MAD1L1: variants seen among roughly 807,000 people sequenced by gnomAD.
The protein encoded by MAD1L1 is mitotic arrest deficient 1 like 1, also known as mitotic spindle assembly checkpoint protein MAD1.
MAD1L1 carries 95 observed loss-of-function variants against 96.9 expected under a neutral mutation model. That is an observed-to-expected ratio of 0.98 (90% CI 0.83 to 1.16). The LOEUF (loss-of-function observed/expected upper bound fraction) is 1.16. Among genes scored for constraint, MAD1L1 ranks in the 50% most tolerant of loss-of-function variants. The probability of loss-of-function intolerance (pLI) is 0.00; values close to 1 mark genes in which losing one functional copy is unlikely to be tolerated. For missense variants in MAD1L1, 1,007 were observed against 954.4 expected (o/e 1.06, Z -0.73); for synonymous variants, 473 against 396.6 (o/e 1.19, Z -2.29).
chr7:2,092,795 GCAAATTTAT>G (rs1266095603), intron 11 of MAD1L1, among the ~76,000 whole-genome samples: 3 of 152,110 alleles, frequency 2.0e-5, no homozygotes, highest in African/African-American at 7.2e-5. Flanking sequence ...CTTTAACAAG[GCAAATTTAT>G]CAAATTTTTT....
chr7:2,108,424 T>A (rs3800906), intron 11 of MAD1L1, among the ~76,000 whole-genome samples: 6,462 of 152,340 alleles, frequency 0.042, 208 homozygotes, highest in East Asian at 0.09. Flanking sequence ...AGTTTAAAAC[T>A]TTATTTAAAA....
At chr7:2,074,427 C>T (rs1057146457) in intron 11 of MAD1L1, among the ~76,000 whole-genome samples, 1 of 152,210 alleles carries the variant, frequency 6.6e-6, no homozygotes. Context: ...AGATGGGCCC[C>T]ATGGAACAGG....
chr7:2,123,366 C>T (rs1249033939), intron 11 of MAD1L1, among the ~76,000 whole-genome samples: 1 of 151,378 alleles, frequency 6.6e-6, no homozygotes, highest in Non-Finnish European at 1.5e-5. Flanking sequence ...TGAAACTGCA[C>T]GCTACAGCTT....
intron 12 of MAD1L1, among the ~76,000 whole-genome samples, chr7:2,034,436 G>C (rs536711214): frequency 1.3e-5 from 2 of 152,050 alleles, no homozygotes; most frequent in African/African-American, 4.8e-5. Context: ...AGGCTGGTCC[G>C]AACTCCTGAG....
At chr7:2,019,903 G>GTT (rs889451091) in intron 12 of MAD1L1, among the ~76,000 whole-genome samples, 1 of 149,482 alleles carries the variant, frequency 6.7e-6, no homozygotes, top group Non-Finnish European at 1.5e-5. Flanking sequence ...CCTAAACGAG[G>GTT]TTTTTTTTTT....
intron 14 of MAD1L1, among the ~76,000 whole-genome samples, chr7:2,000,565 G>C (rs938852947): frequency 6.6e-6 from 1 of 152,148 alleles, no homozygotes; most frequent in Non-Finnish European, 1.5e-5. Flanking sequence ...GGGTCCCCCA[G>C]GCTTGGCTCA....
At chr7:2,220,818 G>C in intron 5 of MAD1L1, 1 of 1,440,538 alleles carries the variant, frequency 6.9e-7, no homozygotes, top group Non-Finnish European at 9.4e-7. Flanking sequence ...AAGAAGAAAG[G>C]TATTAAAAAC....
chr7:2,004,853 A>C (rs1231501242), intron 13 of MAD1L1, among the ~76,000 whole-genome samples: 1 of 152,234 alleles, frequency 6.6e-6, no homozygotes, highest in Admixed American at 6.5e-5. Context: ...CGATGGCTGG[A>C]AAAAACAGAA....
rs150926586 is a variant in MAD1L1 at position 2,067,671 on chromosome 7, G to A, written c.1218+1523C>T. 1.5e-3 allele frequency among the ~76,000 whole-genome samples: 233 copies of A among 152,366 alleles called. 1 individual carries two copies. Among genetic ancestry groups the A allele is most frequent in the African/African-American group, 5.2e-3 (217 of 41,588 alleles). ...GTGCTGTGGCCTGTGGGCCCAAGCC[G>A]CTGTCTCCTCCCGCTCCAGGCCTCG... is the stretch of plus-strand genomic sequence containing the variant. On this transcript the variant is annotated intron_variant, in intron 12 of 18. Transcript: ENST00000265854.
At chr7:1,964,424 G>A (rs1780076298) in intron 15 of MAD1L1, among the ~76,000 whole-genome samples, 1 of 152,206 alleles carries the variant, frequency 6.6e-6, no homozygotes, top group African/African-American at 2.4e-5. Context: ...GCCCACATGC[G>A]GGCTCATTTG....
chr7:1,865,133 C>T lies in MAD1L1; in HGVS notation c.1998+33067G>A, dbSNP rs556046366. Among the ~76,000 whole-genome samples, 5 of 152,288 alleles carry T rather than the reference C, an allele frequency of 3.3e-5. No homozygotes were observed. In the South Asian group the frequency reaches 1.0e-3, roughly 32 times the overall value. On this transcript the variant is annotated intron_variant, in intron 18 of 18. Coordinates refer to ENST00000265854, the MANE Select transcript of MAD1L1 (RefSeq NM_001013836.2). ...GTCCAGAGCAGGTGACCAGGCCCATCCTGTCTGGGACTCCCGGAAGGGGGC... is the reference window on the plus strand; with the variant it reads ...GTCCAGAGCAGGTGACCAGGCCCATTCTGTCTGGGACTCCCGGAAGGGGGC...
chr7:1,861,435 C>T (rs916462053), intron 18 of MAD1L1, among the ~76,000 whole-genome samples: 38 of 150,226 alleles, frequency 2.5e-4, no homozygotes, highest in African/African-American at 5.1e-4. Context: ...GACACTGCTC[C>T]GCCTGCCCCC....
chr7:2,206,978 G>T (rs1475006614), intron 10 of MAD1L1, among the ~76,000 whole-genome samples: 2 of 151,934 alleles, frequency 1.3e-5, no homozygotes, highest in Non-Finnish European at 2.9e-5. Context: ...CTACTGGGGA[G>T]GCTGAGGCAG....
chr7:1,924,760 T>C (rs1267985133), intron 17 of MAD1L1, among the ~76,000 whole-genome samples: 1 of 152,186 alleles, frequency 6.6e-6, no homozygotes, highest in Non-Finnish European at 1.5e-5. Context: ...AATTGTAATA[T>C]TTCTTGGTGG....
intron 17 of MAD1L1, among the ~76,000 whole-genome samples, chr7:1,907,863 C>A (rs1393307651): frequency 6.6e-6 from 1 of 152,148 alleles, no homozygotes; most frequent in Non-Finnish European, 1.5e-5. Context: ...AGTGAGGGGG[C>A]AGTGCGGTCT....
At chr7:1,823,541 G>C in intron 18 of MAD1L1, among the ~76,000 whole-genome samples, 1 of 152,146 alleles carries the variant, frequency 6.6e-6, no homozygotes, top group East Asian at 1.9e-4. Flanking sequence ...CACCTGGAGG[G>C]GTGACTGCAG....
chr7:1,916,926 C>A (rs1426590231), intron 17 of MAD1L1, among the ~76,000 whole-genome samples: 2 of 152,182 alleles, frequency 1.3e-5, no homozygotes, highest in East Asian at 3.9e-4. Flanking sequence ...ACGACCCTGG[C>A]ACATCTCCCA....
intron 10 of MAD1L1, among the ~76,000 whole-genome samples, chr7:2,208,132 A>C (rs1013948099): frequency 9.2e-5 from 14 of 152,160 alleles, no homozygotes; most frequent in Non-Finnish European, 1.6e-4. Flanking sequence ...CTCAGTGTAC[A>C]AATCTTACAC....
intron 18 of MAD1L1, among the ~76,000 whole-genome samples, chr7:1,822,427 A>AGC: frequency 9.4e-6 from 1 of 106,020 alleles, no homozygotes; most frequent in South Asian, 2.7e-4. Context: ...TCCAAACCTC[A>AGC]GCATATATAT....
Sources: allele counts gnomAD v4.1 joint callset (sites outside exome capture counted in the v4.1 genomes callset), GRCh38; gene constraint gnomAD v4.1.1; transcripts MANE v1.5; gene names NCBI Gene and HGNC (gene_info 2026-07-23, HGNC 2026-07-21).